The following LPCAT2 variants were observed in gnomAD, a reference collection of about 807,000 sequenced individuals.
LPCAT2 encodes 1-AGP acyltransferase 11.
Under a neutral mutation model 64.7 loss-of-function variants are expected in LPCAT2, and 58 were observed. The observed-to-expected ratio is 0.90, with a 90% CI of 0.73 to 1.12. LPCAT2 has a LOEUF of 1.12. Among genes scored for constraint, LPCAT2 ranks in the 50% most tolerant of loss-of-function variants. The pLI, the probability that LPCAT2 is intolerant of heterozygous loss-of-function variation, is 0.00. For missense variants in LPCAT2, 579 were observed against 669.8 expected, an observed-to-expected ratio of 0.86 and a Z score of 1.50; for synonymous variants, 252 against 245.3, an observed-to-expected ratio of 1.03 and a Z score of -0.26.
In LPCAT2 at chr16:55,545,735, T is replaced by C. The variant is rs1471193202; in HGVS notation, c.853T>C (p.Phe285Leu). 1 of 1,606,846 alleles carries C rather than the reference T, an allele frequency of 6.2e-7. No individual in the cohort carries two copies. Among genetic ancestry groups the C allele is most frequent in the African/African-American group, 1.3e-5 (1 of 74,646 alleles). ...CQLFTKVEVE[F>L]MPVQVPNDEE... ...ATGGAAAGGTATATTTGTCTTTCAGTTTATGCCAGTTCAAGTACCAAATGA... is the reference window on the plus strand; with the variant it reads ...ATGGAAAGGTATATTTGTCTTTCAGCTTATGCCAGTTCAAGTACCAAATGA... Residue 285 changes from phenylalanine (F) to leucine (L), a missense_variant and splice_region_variant, in exon 9 of 14, where the codon TTT (phenylalanine) becomes CTT (leucine). Phe to Leu is a conservative substitution (Grantham distance 22, BLOSUM62 0). Transcript: ENST00000262134.
chr16:55,552,606 C>G (rs1442086913), intron 11 of LPCAT2, among the ~76,000 whole-genome samples: 2 of 152,142 alleles, frequency 1.3e-5, no homozygotes, highest in African/African-American at 2.4e-5. Context: ...GAGGGAGTAT[C>G]ACAATAAAGT....
At chr16:55,566,990 T>G in intron 11 of LPCAT2, 1 of 1,613,858 alleles carries the variant, frequency 6.2e-7, no homozygotes, top group Middle Eastern at 1.6e-4. Flanking sequence ...GTGAGGAAGT[T>G]AGGCGATTTC....
At position 55,577,314 on chromosome 16, in the gene LPCAT2, GT is replaced by G. The variant is rs1235335480; in HGVS notation, c.1315-1793del. On this transcript the variant is annotated intron_variant, in intron 12 of 13. Coordinates refer to ENST00000262134, the MANE Select transcript of LPCAT2 (RefSeq NM_017839.5). ...GTATTTGCTTATTATTTTTTTCATG[GT>G]TATCACCCCTTATCTAATACCTGTT... Among the ~76,000 whole-genome samples, 3 of 78,106 alleles carry G rather than the reference GT, an allele frequency of 3.8e-5. No individual in the cohort carries two copies. The East Asian group carries it at 1.1e-3, about 28-fold the overall frequency. The allele number at this position is 78,106 out of a possible 152,430, so 51.2% of individuals were successfully genotyped here.
At chr16:55,552,360 G>A (rs1963527304) in intron 11 of LPCAT2, among the ~76,000 whole-genome samples, 1 of 152,122 alleles carries the variant, frequency 6.6e-6, no homozygotes, top group South Asian at 2.1e-4. Context: ...AGGAATATTT[G>A]GTTTGTGTAC....
intron 8 of LPCAT2, chr16:55,542,056 T>TA: frequency 1.0e-6 from 1 of 967,700 alleles, no homozygotes. Context: ...ATCATTTTTT[T>TA]AGTAGAAAGG....
Position 55,579,140 on chromosome 16 carries a change from C to G in LPCAT2, c.1346C>G (p.Thr449Arg). The G allele has an allele frequency of 6.2e-7, 1 of 1,613,280 alleles. No homozygotes were observed. The highest frequency in any genetic ancestry group is 8.5e-7 in the Non-Finnish European group (1 of 1,179,480). Residue 449 changes from threonine to arginine, a missense_variant, in exon 13 of 14, where the codon ACG becomes AGG. Transcript: ENST00000262134. Reference sequence around the variant, plus strand: ...GACGTTGATGAGGATGGCTACATAACGGAGGAAGAGTTCTCCACCATTCTA... The same window carrying G: ...GACGTTGATGAGGATGGCTACATAAGGGAGGAAGAGTTCTCCACCATTCTA... ...LFDVDEDGYI[T>R]EEEFSTILQA... is the part of the protein sequence containing the mutation.
intron 11 of LPCAT2, among the ~76,000 whole-genome samples, chr16:55,572,771 A>T (rs1453446298): frequency 6.6e-6 from 1 of 152,160 alleles, no homozygotes; most frequent in Non-Finnish European, 1.5e-5. Flanking sequence ...TAGTGCGCTT[A>T]TGGTCATGCC....
intron 8 of LPCAT2, among the ~76,000 whole-genome samples, chr16:55,542,395 G>C (rs1428905785): frequency 6.6e-6 from 1 of 152,060 alleles, no homozygotes; most frequent in African/African-American, 2.4e-5. Flanking sequence ...GCAATAGAAG[G>C]GAATACATTC....
At chr16:55,579,396 C>A in intron 13 of LPCAT2, 152 bp downstream of exon 13, 3 of 718,508 alleles carry the variant, frequency 4.2e-6, no homozygotes, top group South Asian at 4.6e-5. Flanking sequence ...GTAGTAATGG[C>A]ATAATAGTCA....
intron 8 of LPCAT2, among the ~76,000 whole-genome samples, chr16:55,542,501 A>C (rs139896620): frequency 6.6e-6 from 1 of 152,126 alleles, no homozygotes; most frequent in Non-Finnish European, 1.5e-5. Flanking sequence ...AAAGCATGGA[A>C]CATATGTAAC....
chr16:55,514,790 A>G (rs1443779241), intron 1 of LPCAT2, among the ~76,000 whole-genome samples: 7 of 152,198 alleles, frequency 4.6e-5, no homozygotes, highest in Non-Finnish European at 1.0e-4. Context: ...AGATATTTAA[A>G]ATATGGTCCA....
At chr16:55,578,866 C>T (rs752514698) in intron 12 of LPCAT2, among the ~76,000 whole-genome samples, 1 of 152,056 alleles carries the variant, frequency 6.6e-6, no homozygotes, top group Non-Finnish European at 1.5e-5. Flanking sequence ...CATTATGTTC[C>T]CCATGGAGAT....
At chr16:55,529,185 C>G (rs1271817338) in intron 3 of LPCAT2, among the ~76,000 whole-genome samples, 2 of 152,168 alleles carry the variant, frequency 1.3e-5, no homozygotes, top group Non-Finnish European at 2.9e-5. Context: ...TAACTACTCC[C>G]TGTTGTCCCA....
intron 13 of LPCAT2, among the ~76,000 whole-genome samples, chr16:55,582,640 A>G (rs1963899709): frequency 2.0e-5 from 3 of 152,144 alleles, no homozygotes; most frequent in Non-Finnish European, 4.4e-5. Flanking sequence ...ATTCTCATAC[A>G]TGTCTCTCAG....
chr16:55,574,740 C>T lies in LPCAT2; in HGVS notation c.1314+11C>T, dbSNP rs371766397. The T allele has an allele frequency of 6.2e-6, 10 of 1,603,404 alleles. No homozygotes were observed. Among genetic ancestry groups the T allele is most frequent in the Non-Finnish European group, 6.8e-6 (8 of 1,170,632 alleles). ...CAGGTGGCATTTAAGGTACTGTCAGCCCCATTGAAAGCATCTTGGTCTGCC... is the reference window on the plus strand; with the variant it reads ...CAGGTGGCATTTAAGGTACTGTCAGTCCCATTGAAAGCATCTTGGTCTGCC... On this transcript the variant is annotated intron_variant, in intron 12 of 13. Transcript: ENST00000262134.
At chr16:55,572,225 TTAA>T (rs1460334477) in intron 11 of LPCAT2, among the ~76,000 whole-genome samples, 1 of 152,180 alleles carries the variant, frequency 6.6e-6, no homozygotes, top group Non-Finnish European at 1.5e-5. Context: ...GCAAAATGAC[TTAA>T]TGATGCTTCC....
intron 3 of LPCAT2, 78 bp downstream of exon 3, chr16:55,528,672 T>A (rs748855130): frequency 3.7e-6 from 4 of 1,083,112 alleles, no homozygotes; most frequent in Middle Eastern, 2.1e-4. Flanking sequence ...TATAGTTCAT[T>A]GATAACCTTT....
intron 1 of LPCAT2, among the ~76,000 whole-genome samples, chr16:55,519,992 C>G (rs1963072523): frequency 6.6e-6 from 1 of 151,942 alleles, no homozygotes; most frequent in Non-Finnish European, 1.5e-5. Flanking sequence ...GAAACAGAAA[C>G]AAAACTGATG....
At chr16:55,538,897 A>G (rs1300536107) in intron 8 of LPCAT2, 1 of 152,144 alleles carries the variant, frequency 6.6e-6, no homozygotes, top group Non-Finnish European at 1.5e-5. Context: ...TATAGAATAC[A>G]CTTCAGGAAG....
Sources: allele counts gnomAD v4.1 joint callset (sites outside exome capture counted in the v4.1 genomes callset), GRCh38; gene constraint gnomAD v4.1.1; transcripts MANE v1.5; gene names NCBI Gene and HGNC (gene_info 2026-07-23, HGNC 2026-07-21).